KHDRBS2: variants seen among roughly 807,000 people sequenced by gnomAD.
The protein encoded by KHDRBS2 is KH domain-containing, RNA-binding, signal transduction-associated protein 2.
A neutral mutation model predicts 44.3 loss-of-function variants in KHDRBS2; 26 were observed. The observed-to-expected ratio is 0.59, with a 90% CI of 0.43 to 0.81. KHDRBS2 has a LOEUF of 0.81. Among genes scored for constraint, KHDRBS2 ranks in the 40% least tolerant of loss-of-function variants. KHDRBS2 has a pLI of 0.00. For synonymous variants in KHDRBS2, 194 were observed against 151.1 expected, an observed-to-expected ratio of 1.28 and a Z score of -2.08; for missense variants, 476 against 433.1, an observed-to-expected ratio of 1.10 and a Z score of -0.88.
intron 2 of KHDRBS2, among the ~76,000 whole-genome samples, chr6:62,068,198 G>T (rs1794195412): frequency 6.6e-6 from 1 of 151,522 alleles, no homozygotes; most frequent in Non-Finnish European, 1.5e-5. Context: ...GTCAACACTT[G>T]TAATTGTTTG....
Position 61,957,241 on chromosome 6 carries a change from C to T in KHDRBS2, c.483+20825G>A, listed in dbSNP as rs187046464. Among the ~76,000 whole-genome samples the T allele has an allele frequency of 2.7e-3, 412 of 152,140 alleles. 6 individuals carry two copies. The highest frequency in any genetic ancestry group is 0.026 in the Admixed American group (393 of 15,264). ...TCACCTCAGGACCCTGTGATGGTTGCGTTAACTGCACAAATTGTAGAGCAT... is the reference window on the plus strand; with the variant it reads ...TCACCTCAGGACCCTGTGATGGTTGTGTTAACTGCACAAATTGTAGAGCAT... On this transcript the variant is annotated intron_variant, in intron 4 of 8. Coordinates refer to ENST00000281156, the MANE Select transcript of KHDRBS2 (RefSeq NM_152688.4).
At chr6:61,638,163 G>A in the KHDRBS2 span, among the ~76,000 whole-genome samples, 1 of 151,994 alleles carries the variant, frequency 6.6e-6, no homozygotes, top group Admixed American at 6.6e-5. Flanking sequence ...CTACTTTAAA[G>A]TTCATATGGA....
At chr6:62,008,863 G>A (rs984441892) in intron 3 of KHDRBS2, among the ~76,000 whole-genome samples, 7 of 152,180 alleles carry the variant, frequency 4.6e-5, no homozygotes, top group African/African-American at 1.4e-4. Flanking sequence ...CCCCAGCCAC[G>A]TGGAACTGTA....
rs182409412 is a variant in KHDRBS2, at chr6:61,772,961, G to A, written c.811-40197C>T. On this transcript the variant is annotated intron_variant, in intron 6 of 8. Coordinates refer to ENST00000281156, the MANE Select transcript of KHDRBS2 (RefSeq NM_152688.4). ...CAATTTCATCCATGTCCCTACAAAG[G>A]ACCTGAACTCATCATTTTTTATGTC... is the stretch of plus-strand genomic sequence containing the variant. Among the ~76,000 whole-genome samples, 593 of 152,226 alleles carry A rather than the reference G, an allele frequency of 3.9e-3. 5 individuals are homozygous for A. The highest frequency in any genetic ancestry group is 0.014 in the African/African-American group (574 of 41,512).
rs58435056 is a variant in KHDRBS2 at position 62,155,259 on chromosome 6, T to C, written c.219+21926A>G. 3.7e-3 allele frequency among the ~76,000 whole-genome samples: 562 copies of C among 152,226 alleles called. 1 individual carries two copies. Among genetic ancestry groups the C allele is most frequent in the African/African-American group, 0.013 (543 of 41,510 alleles). Reference sequence around the variant, plus strand: ...AATTCTGACTATATAACAAAGAGAATAAATTGATTGGAATAGGGATAAAAA... The same window carrying C: ...AATTCTGACTATATAACAAAGAGAACAAATTGATTGGAATAGGGATAAAAA... On this transcript the variant is annotated intron_variant, in intron 2 of 8. Coordinates refer to ENST00000281156, the MANE Select transcript of KHDRBS2 (RefSeq NM_152688.4).
intron 3 of KHDRBS2, among the ~76,000 whole-genome samples, chr6:62,028,486 T>C (rs1783773814): frequency 6.6e-6 from 1 of 152,098 alleles, no homozygotes; most frequent in South Asian, 2.1e-4. Context: ...ATGAGCTACT[T>C]GTTTCATATG....
intron 6 of KHDRBS2, among the ~76,000 whole-genome samples, chr6:61,806,248 G>C (rs1176699154): frequency 3.9e-5 from 6 of 152,144 alleles, no homozygotes; most frequent in Non-Finnish European, 8.8e-5. Context: ...GCCTTCACCT[G>C]ATTCTCTGTT....
the KHDRBS2 span, among the ~76,000 whole-genome samples, chr6:61,580,558 C>G: frequency 6.6e-6 from 1 of 152,154 alleles, no homozygotes; most frequent in East Asian, 1.9e-4. Flanking sequence ...GTCTGCACTA[C>G]CTTTATGAGC....
chr6:62,095,128 A>G (rs1412612672), intron 2 of KHDRBS2, among the ~76,000 whole-genome samples: 2 of 151,882 alleles, frequency 1.3e-5, no homozygotes, highest in Non-Finnish European at 2.9e-5. Flanking sequence ...TGGAGATTGC[A>G]TTGAATCTGA....
chr6:61,595,624 G>A, the KHDRBS2 span, among the ~76,000 whole-genome samples: 3 of 151,624 alleles, frequency 2.0e-5, no homozygotes, highest in Non-Finnish European at 4.4e-5. Flanking sequence ...ACTTTTGGTA[G>A]CTCTAATTTC....
At chr6:61,720,687 T>C (rs952727557) in intron 7 of KHDRBS2, among the ~76,000 whole-genome samples, 17 of 152,322 alleles carry the variant, frequency 1.1e-4, no homozygotes, top group African/African-American at 3.4e-4. Context: ...AGCCCTTTGT[T>C]AGACGAGTAG....
At chr6:61,832,121 C>T (rs866712582) in intron 6 of KHDRBS2, among the ~76,000 whole-genome samples, 11 of 152,008 alleles carry the variant, frequency 7.2e-5, no homozygotes, top group South Asian at 4.1e-4. Context: ...GTGGTCCCAG[C>T]GACACAGGAG....
rs116756756 is a variant in KHDRBS2 at position 62,176,549 on chromosome 6, A to T, written c.219+636T>A. 1.4e-3 allele frequency among the ~76,000 whole-genome samples: 215 copies of T among 151,326 alleles called. 2 individuals are homozygous for T. Among genetic ancestry groups the T allele is most frequent in the African/African-American group, 5.1e-3 (212 of 41,478 alleles). On this transcript the variant is annotated intron_variant, in intron 2 of 8. Transcript: ENST00000281156. ...CATTTTAGTTTCCTTCATTCATTTG[A>T]CCAAAAAAAATCCCTCTGTTTACCC... is the stretch of plus-strand genomic sequence containing the variant.
At chr6:62,219,937 A>C (rs1830617502) in intron 1 of KHDRBS2, among the ~76,000 whole-genome samples, 2 of 147,310 alleles carry the variant, frequency 1.4e-5, no homozygotes, top group African/African-American at 4.9e-5. Context: ...ATATATATTA[A>C]TAGTATATAT....
intron 1 of KHDRBS2, among the ~76,000 whole-genome samples, chr6:62,238,687 T>TAC (rs5876788): frequency 0.041 from 5,768 of 141,946 alleles, 95 homozygotes; most frequent in Non-Finnish European, 0.047. Flanking sequence ...AAGTTTTATA[T>TAC]ACACACACAC....
intron 1 of KHDRBS2, among the ~76,000 whole-genome samples, chr6:62,179,629 C>T (rs542797391): frequency 2.5e-4 from 38 of 151,810 alleles, no homozygotes; most frequent in Non-Finnish European, 4.7e-4. Context: ...GACTCAATTC[C>T]TGATCTATAA....
chr6:61,845,625 C>T (rs1794294988), intron 6 of KHDRBS2, among the ~76,000 whole-genome samples: 1 of 152,134 alleles, frequency 6.6e-6, no homozygotes, highest in African/African-American at 2.4e-5. Flanking sequence ...GGATACAGTT[C>T]TTCATGTCAC....
chr6:62,025,256 T>C (rs1448213364), intron 3 of KHDRBS2, among the ~76,000 whole-genome samples: 1 of 151,794 alleles, frequency 6.6e-6, no homozygotes, highest in Non-Finnish European at 1.5e-5. Flanking sequence ...TTACATTGTA[T>C]TGTCTTAGAA....
At chr6:61,893,795 T>C (rs1204710548) in intron 6 of KHDRBS2, among the ~76,000 whole-genome samples, 1 of 152,064 alleles carries the variant, frequency 6.6e-6, no homozygotes, top group African/African-American at 2.4e-5. Flanking sequence ...ATATACCTAA[T>C]GTAAATGATG....
Sources: gnomAD v4.1 joint callset for allele counts (sites outside exome capture counted in the v4.1 genomes callset) on GRCh38, gnomAD v4.1.1 for gene constraint, MANE v1.5 for transcripts, NCBI Gene and HGNC (gene_info 2026-07-23, HGNC 2026-07-21) for gene names.